UBE2E2: variants seen among roughly 807,000 people sequenced by gnomAD.
UBE2E2 encodes the protein ubiquitin conjugating enzyme E2 E2, also known as ubiquitin-conjugating enzyme E2 E2.
Under a neutral mutation model 24.7 loss-of-function variants are expected in UBE2E2, and 6 were observed. The observed-to-expected ratio is 0.24, with a 90% CI of 0.13 to 0.48. The LOEUF is 0.48. Among genes scored for constraint, UBE2E2 ranks in the 20% least tolerant of loss-of-function variants. The probability of loss-of-function intolerance (pLI) is 0.99; values close to 1 mark genes in which losing one functional copy is unlikely to be tolerated. For missense variants in UBE2E2, 169 were observed against 245.0 expected, an observed-to-expected ratio of 0.69 and a Z score of 2.07; for synonymous variants, 104 against 83.6, an observed-to-expected ratio of 1.24 and a Z score of -1.33.
At chr3:23,353,807 C>G (rs1237908580) in intron 3 of UBE2E2, among the ~76,000 whole-genome samples, 1 of 140,028 alleles carries the variant, frequency 7.1e-6, no homozygotes, top group African/African-American at 2.7e-5. Flanking sequence ...AATGGCCATA[C>G]TGTCCAAGGT....
intron 3 of UBE2E2, among the ~76,000 whole-genome samples, chr3:23,457,526 C>T (rs986026805): frequency 5.3e-5 from 8 of 151,964 alleles, no homozygotes; most frequent in African/African-American, 1.9e-4. Context: ...TCATCTTGCA[C>T]TTTTTTTTGT....
chr3:23,504,680 G>A (rs943448590), intron 4 of UBE2E2, among the ~76,000 whole-genome samples: 2 of 152,086 alleles, frequency 1.3e-5, no homozygotes, highest in African/African-American at 2.4e-5. Flanking sequence ...TTGACTACCT[G>A]TGAAATGTAT....
At chr3:23,488,898 A>G (rs1465587170) in intron 3 of UBE2E2, among the ~76,000 whole-genome samples, 1 of 152,194 alleles carries the variant, frequency 6.6e-6, no homozygotes, top group Non-Finnish European at 1.5e-5. Flanking sequence ...AGCCCTGAGT[A>G]CCTTGAGGCC....
At chr3:23,382,510 A>G (rs904508712) in intron 3 of UBE2E2, among the ~76,000 whole-genome samples, 3 of 152,226 alleles carry the variant, frequency 2.0e-5, no homozygotes, top group Non-Finnish European at 4.4e-5. Flanking sequence ...CACTGGTTTT[A>G]CTATATGAGC....
At chr3:23,293,644 A>G (rs1325060894) in intron 3 of UBE2E2, among the ~76,000 whole-genome samples, 1 of 152,222 alleles carries the variant, frequency 6.6e-6, no homozygotes, top group Non-Finnish European at 1.5e-5. Flanking sequence ...AAAAGATTGA[A>G]TGAGCTATTA....
intron 3 of UBE2E2, among the ~76,000 whole-genome samples, chr3:23,360,936 G>T (rs540588429): frequency 6.0e-5 from 9 of 149,234 alleles, no homozygotes; most frequent in Admixed American, 4.7e-4. Flanking sequence ...CTATGCATTT[G>T]ATAAAGGACT....
intron 3 of UBE2E2, among the ~76,000 whole-genome samples, chr3:23,334,267 A>G (rs541510323): frequency 2.3e-4 from 35 of 152,210 alleles, no homozygotes; most frequent in Non-Finnish European, 4.1e-4. Context: ...ACTTTATTCT[A>G]GTAAAACTTA....
At chr3:23,390,981 A>G (rs1696920794) in intron 3 of UBE2E2, among the ~76,000 whole-genome samples, 1 of 152,234 alleles carries the variant, frequency 6.6e-6, no homozygotes. Flanking sequence ...ATATATAATA[A>G]TGGTTATATA....
In UBE2E2 at chr3:23,280,794, A is replaced by C. The variant is rs776924757; in HGVS notation, c.227+63482A>C. Among the ~76,000 whole-genome samples the C allele has an allele frequency of 2.0e-5, 3 of 152,138 alleles. No homozygotes were observed. Among genetic ancestry groups the C allele is most frequent in the Non-Finnish European group, 4.4e-5 (3 of 68,022 alleles). ...TTACTGATTCTGCTTTTTTCCATGA[A>C]TGTTGCCTTCTCTCGTGTTTCACAT... On this transcript the variant is annotated intron_variant, in intron 3 of 5. Transcript: ENST00000396703. This position sits in a 1 kb window ranked among gnomAD's most constrained non-coding sequence, Gnocchi z 4.3.
intron 5 of UBE2E2, among the ~76,000 whole-genome samples, chr3:23,546,915 A>G (rs2125496076): frequency 6.6e-6 from 1 of 152,278 alleles, no homozygotes; most frequent in East Asian, 1.9e-4. Context: ...CAGGGAGAGA[A>G]TTATGTATTA....
intron 1 of UBE2E2, among the ~76,000 whole-genome samples, chr3:23,205,991 C>T (rs938220477): frequency 1.3e-5 from 2 of 152,156 alleles, no homozygotes; most frequent in Non-Finnish European, 2.9e-5. Context: ...AACTGAAACT[C>T]TCAGCATAGT....
At chr3:23,516,754 C>G (rs1281224661) in intron 4 of UBE2E2, among the ~76,000 whole-genome samples, 1 of 152,026 alleles carries the variant, frequency 6.6e-6, no homozygotes, top group African/African-American at 2.4e-5. Flanking sequence ...TACTATGTGA[C>G]TGTATAAACT....
chr3:23,535,417 G>A (rs1376174793), intron 5 of UBE2E2, among the ~76,000 whole-genome samples: 1 of 152,048 alleles, frequency 6.6e-6, no homozygotes. Flanking sequence ...ATTGACACTT[G>A]GATTTTACAA....
At chr3:23,484,935 A>G (rs1699330228) in intron 3 of UBE2E2, among the ~76,000 whole-genome samples, 1 of 152,166 alleles carries the variant, frequency 6.6e-6, no homozygotes, top group Non-Finnish European at 1.5e-5. Flanking sequence ...CTACAGTTGA[A>G]GAAGAAATTT....
At chr3:23,281,468 A>G (rs1698489032) in intron 3 of UBE2E2, among the ~76,000 whole-genome samples, 1 of 152,170 alleles carries the variant, frequency 6.6e-6, no homozygotes, top group Non-Finnish European at 1.5e-5. Flanking sequence ...TTGTCTCTAC[A>G]AAAAATAAAA....
In UBE2E2 at chr3:23,591,090, T is replaced by C. The variant is rs1046508208; in HGVS notation, c.*1259T>C. The C allele has an allele frequency of 2.6e-5, 4 of 152,218 alleles. No homozygotes were observed. Among genetic ancestry groups the C allele is most frequent in the Non-Finnish European group, 5.9e-5 (4 of 68,044 alleles). The allele number at this position is 152,218 out of a possible 1,614,324, so 9.4% of individuals were successfully genotyped here. A position where few individuals can be genotyped will look rare whatever the true frequency, so the allele number is the denominator to read the frequency against. ...TCAATGACAAGGGTGTCTGTCTGGC[T>C]TCACCTTCAGGCTATTTTAGTGTGC... On this transcript the variant is annotated 3_prime_UTR_variant, in exon 6 of 6. Coordinates refer to ENST00000396703, the MANE Select transcript of UBE2E2 (RefSeq NM_152653.4).
In UBE2E2 at chr3:23,531,399, G is replaced by A. The variant is rs150028070; in HGVS notation, c.361-1155G>A. On this transcript the variant is annotated intron_variant, in intron 4 of 5. Transcript: ENST00000396703. ...TCAATAATATTCACATCTTATTGCC[G>A]TTTACATAACACTTTTATTAAACAG... 2.6e-3 allele frequency among the ~76,000 whole-genome samples: 393 copies of A among 152,140 alleles called. 3 individuals are homozygous for A. The highest frequency in any genetic ancestry group is 8.8e-3 in the African/African-American group (366 of 41,506).
At chr3:23,220,897 T>G (rs1696616278) in intron 3 of UBE2E2, among the ~76,000 whole-genome samples, 1 of 152,200 alleles carries the variant, frequency 6.6e-6, no homozygotes, top group Non-Finnish European at 1.5e-5. Flanking sequence ...CATTTATACT[T>G]CCTCGGTGCT....
intron 3 of UBE2E2, among the ~76,000 whole-genome samples, chr3:23,441,932 G>A (rs1403849992): frequency 6.6e-6 from 1 of 151,982 alleles, no homozygotes; most frequent in Non-Finnish European, 1.5e-5. Context: ...ATTTATTTAA[G>A]TACTTTAAGA....
Sources: gnomAD v4.1 joint callset for allele counts (sites outside exome capture counted in the v4.1 genomes callset) on GRCh38, gnomAD v4.1.1 for gene constraint, Gnocchi (gnomAD v3.1) non-coding constraint, MANE v1.5 for transcripts, NCBI Gene and HGNC (gene_info 2026-07-23, HGNC 2026-07-21) for gene names.